KMT2C: variants seen among roughly 807,000 people sequenced by gnomAD.
KMT2C encodes histone-lysine N-methyltransferase 2C.
A neutral mutation model predicts 507.9 loss-of-function variants in KMT2C; 88 were observed. The ratio of observed to expected loss-of-function variants is 0.17; its 90% confidence interval spans 0.15 to 0.21. KMT2C has a LOEUF of 0.21. KMT2C is among the 10% of genes least tolerant of loss of function. KMT2C has a pLI of 1.00. For missense variants in KMT2C, 4,954 were observed against 5,957.8 expected (o/e 0.83, Z 5.55); for synonymous variants, 2,049 against 2,080.8 (o/e 0.98, Z 0.42).
At chr7:152,271,952 G>A (rs1166678278) in intron 7 of KMT2C, among the ~76,000 whole-genome samples, 1 of 151,976 alleles carries the variant, frequency 6.6e-6, no homozygotes, top group Non-Finnish European at 1.5e-5. Context: ...CTGCTGAAAA[G>A]GTATGGGGCC....
intron 3 of KMT2C, among the ~76,000 whole-genome samples, chr7:152,321,471 A>T (rs535717955): frequency 8.6e-5 from 13 of 151,952 alleles, no homozygotes; most frequent in African/African-American, 2.2e-4. Context: ...GGAAAGGAAG[A>T]AGTGAAACTG....
Position 152,374,943 on chromosome 7 carries a change from A to G in KMT2C, c.162-16268T>C, listed in dbSNP as rs143351821. On this transcript the variant is annotated intron_variant, in intron 1 of 58. Coordinates refer to ENST00000262189, the MANE Select transcript of KMT2C (RefSeq NM_170606.3). The stretch of plus-strand genomic sequence containing the variant: ...AAGGAAAAAAATCCATGCAAAATCA[A>G]TTTTTCAGAACTCCTCGATTAAAAA... Among the ~76,000 whole-genome samples the G allele has an allele frequency of 1.1e-4, 16 of 152,184 alleles. No individual in the cohort carries two copies. The East Asian group carries it at 2.5e-3, about 24-fold the overall frequency.
intron 1 of KMT2C, among the ~76,000 whole-genome samples, chr7:152,398,903 A>G (rs1276911497): frequency 6.6e-6 from 1 of 151,998 alleles, no homozygotes; most frequent in Non-Finnish European, 1.5e-5. Flanking sequence ...TCTTGACTCA[A>G]TGCAACCTCC....
At chr7:152,201,392 A>G (rs975277104) in intron 26 of KMT2C, among the ~76,000 whole-genome samples, 7 of 152,016 alleles carry the variant, frequency 4.6e-5, no homozygotes, top group Non-Finnish European at 1.0e-4. Flanking sequence ...AGATCACAGC[A>G]GTAATTGGGA....
chr7:152,158,080 CTA>C (rs2092190949), intron 44 of KMT2C, among the ~76,000 whole-genome samples: 1 of 152,194 alleles, frequency 6.6e-6, no homozygotes, highest in East Asian at 1.9e-4. Flanking sequence ...GTGAGAGAGA[CTA>C]CAGACCTTTG....
In KMT2C at chr7:152,148,862, C is replaced by A; in HGVS notation, c.13065G>T (p.Met4355Ile). ...TATGAATGCTCCACTTCTTCCATTT[C>A]ATTCCTCTCCATTTTTTATTGAGCG... ...CRPLNKKWRG[M>I]KWKKWSIHIV... The change falls in exon 52 of 59, where the codon ATG becomes ATT. Residue 4355 changes from methionine (M) to isoleucine (I), a missense_variant. Met to Ile is a conservative substitution (Grantham distance 10). Transcript: ENST00000262189. The surrounding 1 kb of genome is among the most constrained non-coding windows in gnomAD (Gnocchi z 7.1). The A allele has an allele frequency of 6.2e-7, 1 of 1,614,234 alleles. No homozygotes were observed. The highest frequency in any genetic ancestry group is 8.5e-7 in the Non-Finnish European group (1 of 1,180,044).
chr7:152,282,452 T>C (rs1228988832), intron 6 of KMT2C, among the ~76,000 whole-genome samples: 5 of 150,826 alleles, frequency 3.3e-5, no homozygotes, highest in Non-Finnish European at 5.9e-5. Flanking sequence ...TGCCCAACGG[T>C]AAAATAAATA....
At position 152,154,536 on chromosome 7, in the gene KMT2C, G is replaced by T. The variant is rs1231757534; in HGVS notation, c.11961-91C>A. ...CCTGCTGACATCTGTGAATACAGCT[G>T]TAAGGATACTCTGGGCAGCACCTAT... On this transcript the variant is annotated intron_variant, in intron 46 of 58. Coordinates refer to ENST00000262189, the MANE Select transcript of KMT2C (RefSeq NM_170606.3). 2.8e-6 allele frequency: 3 copies of T among 1,076,300 alleles called. No homozygotes were observed. The African/African-American group carries it at 4.6e-5, about 17-fold the overall frequency. The allele number at this position is 1,076,300 out of a possible 1,614,324, so 66.7% of individuals were successfully genotyped here. A position where few individuals can be genotyped will look rare whatever the true frequency, so the allele number is the denominator to read the frequency against.
chr7:152,367,138 A>G (rs1589494711), intron 1 of KMT2C: 2 of 1,154,046 alleles, frequency 1.7e-6, no homozygotes. Context: ...CTAGAAATCT[A>G]GCACTGGAGA....
chr7:152,322,647 A>G (rs2096783044), intron 3 of KMT2C, among the ~76,000 whole-genome samples: 1 of 152,024 alleles, frequency 6.6e-6, no homozygotes, highest in Non-Finnish European at 1.5e-5. Context: ...GTGGGCAATA[A>G]CTTTTTGGAT....
At chr7:152,230,412 CAT>C (rs1216381513) in intron 16 of KMT2C, 91 bp from the exon 17 acceptor site, 3 of 570,882 alleles carry the variant, frequency 5.3e-6, no homozygotes, top group African/African-American at 1.9e-5. Context: ...ATAATCAAAA[CAT>C]ATATTTTGGC....
intron 1 of KMT2C, among the ~76,000 whole-genome samples, chr7:152,364,787 T>C (rs1205529628): frequency 3.9e-5 from 6 of 152,006 alleles, no homozygotes; most frequent in South Asian, 2.1e-4. Flanking sequence ...TGTGGAATAA[T>C]AGCAACCTAC....
chr7:152,210,226 G>C (rs1277536617), intron 23 of KMT2C, among the ~76,000 whole-genome samples: 2 of 152,204 alleles, frequency 1.3e-5, no homozygotes, highest in Non-Finnish European at 2.9e-5. Flanking sequence ...AGTTCAAGAA[G>C]AACATCTAAA....
Position 152,223,991 on chromosome 7 carries a change from A to G in KMT2C, c.3323+24T>C, listed in dbSNP as rs566505450. Reference sequence around the variant, plus strand: ...TACATTTCAAAGAGAAAAGCTTTAAAAAGATGAAAAAATAGCACAATACCT... The same window carrying G: ...TACATTTCAAAGAGAAAAGCTTTAAGAAGATGAAAAAATAGCACAATACCT... On this transcript the variant is annotated intron_variant, in intron 20 of 58. Transcript: ENST00000262189. The G allele has an allele frequency of 3.4e-5, 52 of 1,516,872 alleles. No homozygotes were observed. In the East Asian group the frequency reaches 1.0e-3, roughly 31 times the overall value. 94.0% of individuals were successfully genotyped at this position (1,516,872 alleles called of 1,614,324 possible). A position where few individuals can be genotyped will look rare whatever the true frequency, so the allele number is the denominator to read the frequency against.
At chr7:152,418,795 A>G (rs1441196165) in intron 1 of KMT2C, among the ~76,000 whole-genome samples, 1 of 152,108 alleles carries the variant, frequency 6.6e-6, no homozygotes, top group East Asian at 1.9e-4. Flanking sequence ...ACAATACGGA[A>G]ATTTTCTTTT....
chr7:152,162,058 G>C, intron 43 of KMT2C, 59 bp downstream of exon 43: 1 of 1,477,466 alleles, frequency 6.8e-7, no homozygotes, highest in Non-Finnish European at 8.9e-7. Flanking sequence ...GTACTAATCT[G>C]CTGTAAGTAT....
chr7:152,148,258 T>C lies in KMT2C; in HGVS notation c.13669A>G (p.Thr4557Ala). 1 of 1,614,232 alleles carries C rather than the reference T, an allele frequency of 6.2e-7. No homozygotes were observed. Among genetic ancestry groups the C allele is most frequent in the Non-Finnish European group, 8.5e-7 (1 of 1,180,038 alleles). The change falls in exon 52 of 59, where the codon ACA (threonine) becomes GCA (alanine). Residue 4557 changes from threonine (T) to alanine (A), a missense_variant. Physicochemically the swap from Thr to Ala is moderately conservative, Grantham distance 58. Around this residue, in one of 29 missense-constraint regions of KMT2C, gnomAD observed 221 missense variants for 304.7 expected, o/e 0.73. Transcript: ENST00000262189. This position sits in a 1 kb window ranked among gnomAD's most constrained non-coding sequence, Gnocchi z 7.1. Reference protein sequence around the residue: ...TFRVGSLIFHTIGQLLPQQMQ... With the variant: ...TFRVGSLIFHAIGQLLPQQMQ... ...TGCTGTGGAAGCAGCTGACCAATTG[T>C]GTGGAAGATGAGGCTACCCACGCGA...
rs1172695287 is a variant in KMT2C at position 152,182,468 on chromosome 7, C to T, written c.5392G>A (p.Gly1798Ser). The T allele has an allele frequency of 6.2e-7, 1 of 1,614,090 alleles. No homozygotes were observed. The highest frequency in any genetic ancestry group is 1.7e-5 in the Admixed American group (1 of 60,002). The change falls in exon 36 of 59, where the codon GGT becomes AGT. Residue 1798 changes from glycine to serine, a missense_variant. By Grantham distance (56) the Gly-to-Ser change is moderately conservative. Coordinates refer to ENST00000262189, the MANE Select transcript of KMT2C (RefSeq NM_170606.3). Reference protein sequence around the residue: ...FGSQHLLVQSGSDTPSSGIQS... With the variant: ...FGSQHLLVQSSSDTPSSGIQS... ...ATCCCACTACTTGGTGTATCTGAACCAGACTGCACCAGAAGATGCTGAGAA... is the reference window on the plus strand; with the variant it reads ...ATCCCACTACTTGGTGTATCTGAACTAGACTGCACCAGAAGATGCTGAGAA...
chr7:152,199,533 T>C, intron 26 of KMT2C, 74 bp from the exon 27 acceptor site: 1 of 908,552 alleles, frequency 1.1e-6, no homozygotes, highest in Non-Finnish European at 1.6e-6. Flanking sequence ...GTCATGGTTT[T>C]TGACAAGGAA....
Sources: allele counts gnomAD v4.1 joint callset (sites outside exome capture counted in the v4.1 genomes callset), GRCh38; gene constraint gnomAD v4.1.1; regional missense constraint gnomAD v4.1.1; non-coding constraint Gnocchi (gnomAD v3.1); transcripts MANE v1.5; gene names NCBI Gene and HGNC (gene_info 2026-07-23, HGNC 2026-07-21).